Variants in CAMTA1 observed in about 807,000 individuals in gnomAD.
CAMTA1 encodes the protein calmodulin binding transcription activator 1.
In CAMTA1, 27 loss-of-function variants were observed where a neutral mutation model predicts 170.9. The observed-to-expected ratio is 0.16, with a 90% CI of 0.12 to 0.22. The LOEUF is 0.22. Among genes scored for constraint, CAMTA1 ranks in the 10% least tolerant of loss-of-function variants. The probability of loss-of-function intolerance (pLI) is 1.00; values close to 1 mark genes in which losing one functional copy is unlikely to be tolerated. For missense variants in CAMTA1, 1,619 were observed against 2,217.2 expected, an observed-to-expected ratio of 0.73 and a Z score of 5.42; for synonymous variants, 833 against 891.5, an observed-to-expected ratio of 0.93 and a Z score of 1.17.
rs149364170 is a variant in CAMTA1 at position 6,927,102 on chromosome 1, G to A, written c.234+101892G>A. 7.3e-5 allele frequency among the ~76,000 whole-genome samples: 11 copies of A among 151,676 alleles called. No homozygotes were observed. The East Asian group carries it at 2.1e-3, about 29-fold the overall frequency. On this transcript the variant is annotated intron_variant, in intron 3 of 22. Transcript: ENST00000303635. Reference sequence around the variant, plus strand: ...TGCAGTGGCACAATCATAACTCACTGTAGCCTCAAACTCTAGGGCTCAGGT... The same window carrying A: ...TGCAGTGGCACAATCATAACTCACTATAGCCTCAAACTCTAGGGCTCAGGT...
At chr1:7,140,795 G>A (rs115147323) in intron 4 of CAMTA1, among the ~76,000 whole-genome samples, 1 of 152,122 alleles carries the variant, frequency 6.6e-6, no homozygotes, top group Non-Finnish European at 1.5e-5. Flanking sequence ...AGATGTACCG[G>A]TATGTTAAAC....
rs888505764 is a variant in CAMTA1, at chr1:6,934,429, C to T, written c.234+109219C>T. Among the ~76,000 whole-genome samples, 4 of 152,172 alleles carry T rather than the reference C, an allele frequency of 2.6e-5. No homozygotes were observed. The highest frequency in any genetic ancestry group is 2.1e-4 in the South Asian group (1 of 4,822). ...TTAGGCATTCATATTTGAGGCTCCACGGATGTGGTGAATGGGTGCCCTGGG... is the reference window on the plus strand; with the variant it reads ...TTAGGCATTCATATTTGAGGCTCCATGGATGTGGTGAATGGGTGCCCTGGG... On this transcript the variant is annotated intron_variant, in intron 3 of 22. Transcript: ENST00000303635. This position sits in a 1 kb window ranked among gnomAD's most constrained non-coding sequence, Gnocchi z 4.5.
intron 6 of CAMTA1, among the ~76,000 whole-genome samples, chr1:7,551,824 TAGA>T (rs999067675): frequency 1.1e-4 from 16 of 152,130 alleles, no homozygotes; most frequent in African/African-American, 3.4e-4. Flanking sequence ...TTCCCAGGGG[TAGA>T]AGGACACCTC....
At chr1:6,914,265 C>T (rs1384434545) in intron 3 of CAMTA1, among the ~76,000 whole-genome samples, 1 of 152,030 alleles carries the variant, frequency 6.6e-6, no homozygotes, top group Non-Finnish European at 1.5e-5. Context: ...ACACCAAGCC[C>T]TGCTAATTTT....
intron 3 of CAMTA1, among the ~76,000 whole-genome samples, chr1:6,850,038 A>G (rs1005616619): frequency 5.3e-4 from 61 of 114,772 alleles, no homozygotes; most frequent in Middle Eastern, 4.3e-3. Flanking sequence ...TTGTCTCAGA[A>G]AAAAAAAAAA....
Position 7,423,697 on chromosome 1 carries a change from A to G in CAMTA1, c.439-44133A>G, listed in dbSNP as rs541725060. On this transcript the variant is annotated intron_variant, in intron 5 of 22. Coordinates refer to ENST00000303635, the MANE Select transcript of CAMTA1 (RefSeq NM_015215.4). ...GTTTTTCTTACCAATAAAATGCGCA[A>G]CGACTTCCCTTGCTTACCTCCCAGG... Among the ~76,000 whole-genome samples, 5 of 152,136 alleles carry G rather than the reference A, an allele frequency of 3.3e-5. No homozygotes were observed. In the East Asian group the frequency reaches 7.7e-4, roughly 24 times the overall value.
At chr1:7,097,726 G>A (rs1424348715) in intron 4 of CAMTA1, among the ~76,000 whole-genome samples, 8 of 152,218 alleles carry the variant, frequency 5.3e-5, no homozygotes, top group African/African-American at 1.2e-4. Flanking sequence ...GCTTGAAGAC[G>A]TTATACTCAG....
chr1:7,665,224 C>A lies in CAMTA1; in HGVS notation c.2652+25C>A, dbSNP rs4908671. 517,418 of 1,424,492 alleles carry A rather than the reference C, an allele frequency of 0.36. 98,789 individuals carry two copies. The highest frequency in any genetic ancestry group is 0.39 in the Non-Finnish European group (427,688 of 1,092,332). 88.2% of individuals were successfully genotyped at this position (1,424,492 alleles called of 1,614,324 possible). A position where few individuals can be genotyped will look rare whatever the true frequency, so the allele number is the denominator to read the frequency against. ...GGTAAGCTGCCGCCGCTGCCACCAC[C>A]TGTCACCTCCCCTCCCACCCACCTC... On this transcript the variant is annotated intron_variant, in intron 9 of 22. Transcript: ENST00000303635. The surrounding 1 kb of genome is among the most constrained non-coding windows in gnomAD (Gnocchi z 4.3).
chr1:7,315,814 C>T (rs1424904379), intron 5 of CAMTA1, among the ~76,000 whole-genome samples: 1 of 152,182 alleles, frequency 6.6e-6, no homozygotes, highest in Non-Finnish European at 1.5e-5. Flanking sequence ...TGCGTCACTG[C>T]ACTCTGGTGT....
chr1:7,640,824 G>A (rs568577305), intron 7 of CAMTA1, among the ~76,000 whole-genome samples: 6 of 152,334 alleles, frequency 3.9e-5, no homozygotes, highest in Admixed American at 3.9e-4. Flanking sequence ...AGAGGAAGAA[G>A]CAGGCCAAGA....
At chr1:7,492,612 C>CACAA (rs1557804263) in intron 6 of CAMTA1, among the ~76,000 whole-genome samples, 6 of 101,968 alleles carry the variant, frequency 5.9e-5, no homozygotes, top group African/African-American at 3.3e-4. Context: ...CACACACACA[C>CACAA]AAATGTACAT....
chr1:7,483,793 C>T (rs1357397567), intron 6 of CAMTA1, among the ~76,000 whole-genome samples: 1 of 152,092 alleles, frequency 6.6e-6, no homozygotes, highest in African/African-American at 2.4e-5. Flanking sequence ...CTCAGGTGCA[C>T]AGGGAGCTGG....
rs1557652035 is a variant in CAMTA1 at position 7,398,206 on chromosome 1, T to TCC, written c.439-69624_439-69623insCC. On this transcript the variant is annotated intron_variant, in intron 5 of 22. Coordinates refer to ENST00000303635, the MANE Select transcript of CAMTA1 (RefSeq NM_015215.4). ...CTCTCTCTCTCTCTATATATATATA[T>TCC]ATATATATATATATATATATATATA... Among the ~76,000 whole-genome samples, 41 of 66,608 alleles carry TCC rather than the reference T, an allele frequency of 6.2e-4. No homozygotes were observed. In the East Asian group the frequency reaches 0.018, roughly 29 times the overall value. 43.7% of individuals were successfully genotyped at this position (66,608 alleles called of 152,430 possible).
Position 7,361,668 on chromosome 1 carries a change from G to T in CAMTA1, c.439-106162G>T, listed in dbSNP as rs144838465. On this transcript the variant is annotated intron_variant, in intron 5 of 22. Transcript: ENST00000303635. ...CATGCAATAAATATTAACCTGGAAG[G>T]TTGGGGGTACATTAAACTTTTATGC... is the stretch of plus-strand genomic sequence containing the variant. 5.3e-5 allele frequency among the ~76,000 whole-genome samples: 8 copies of T among 152,340 alleles called. No individual in the cohort carries two copies. The East Asian group carries it at 5.8e-4, about 11-fold the overall frequency.
chr1:7,707,654 G>A (rs937758856), intron 11 of CAMTA1, among the ~76,000 whole-genome samples: 39 of 152,212 alleles, frequency 2.6e-4, no homozygotes, highest in African/African-American at 8.4e-4. Flanking sequence ...TGAGATCACA[G>A]GCGTGATGGT....
chr1:7,419,318 G>C (rs1428284763), intron 5 of CAMTA1, among the ~76,000 whole-genome samples: 1 of 152,114 alleles, frequency 6.6e-6, no homozygotes, highest in Non-Finnish European at 1.5e-5. Context: ...ACCATTCCTG[G>C]CTAATTTTTT....
rs1457976635 is a variant in CAMTA1, at chr1:7,114,331, A to C, written c.302+22960A>C. 3.9e-5 allele frequency among the ~76,000 whole-genome samples: 6 copies of C among 152,102 alleles called. No homozygotes were observed. The South Asian group carries it at 1.2e-3, about 32-fold the overall frequency. On this transcript the variant is annotated intron_variant, in intron 4 of 22. Coordinates refer to ENST00000303635, the MANE Select transcript of CAMTA1 (RefSeq NM_015215.4). Reference sequence around the variant, plus strand: ...TGTGTGTGTGTGTATGTGTGTGTGTACATACATATACATAGACCACGGGTG... The same window carrying C: ...TGTGTGTGTGTGTATGTGTGTGTGTCCATACATATACATAGACCACGGGTG...
At chr1:6,972,177 G>A (rs1270911620) in intron 3 of CAMTA1, among the ~76,000 whole-genome samples, 1 of 152,134 alleles carries the variant, frequency 6.6e-6, no homozygotes, top group Non-Finnish European at 1.5e-5. Context: ...AGAGAAGGGG[G>A]TGACTGCCCT....
chr1:7,706,652 G>A (rs1366672438), intron 11 of CAMTA1, among the ~76,000 whole-genome samples: 2 of 152,134 alleles, frequency 1.3e-5, no homozygotes, highest in Non-Finnish European at 2.9e-5. Context: ...CAAGAAAATA[G>A]CATTTACTTA....
Sources: gnomAD v4.1 joint callset for allele counts (sites outside exome capture counted in the v4.1 genomes callset) on GRCh38, gnomAD v4.1.1 for gene constraint, Gnocchi (gnomAD v3.1) non-coding constraint, MANE v1.5 for transcripts, NCBI Gene and HGNC (gene_info 2026-07-23, HGNC 2026-07-21) for gene names.